ITPKB: variants seen among roughly 807,000 people sequenced by gnomAD.
ITPKB encodes the protein inositol-trisphosphate 3-kinase B.
In ITPKB, 13 loss-of-function variants were observed where a neutral mutation model predicts 69.4. The ratio of observed to expected loss-of-function variants is 0.19; its 90% CI spans 0.12 to 0.30. The LOEUF (loss-of-function observed/expected upper bound fraction) is 0.30. Ranked by LOEUF, ITPKB falls within the 10% of genes least tolerant of loss-of-function variation. ITPKB has a pLI of 1.00. For synonymous variants in ITPKB, 584 were observed against 513.7 expected, an observed-to-expected ratio of 1.14 and a Z score of -1.85; for missense variants, 1,240 against 1,250.5, an observed-to-expected ratio of 0.99 and a Z score of 0.13.
At chr1:226,705,300 C>T (rs558716606) in intron 2 of ITPKB, among the ~76,000 whole-genome samples, 167 of 152,156 alleles carry the variant, frequency 1.1e-3, no homozygotes, top group South Asian at 3.7e-3. Flanking sequence ...GAGGCCAAGG[C>T]GGGCAGGTCA....
At chr1:226,640,164 C>T (rs1022482563) in intron 5 of ITPKB, among the ~76,000 whole-genome samples, 19 of 152,212 alleles carry the variant, frequency 1.2e-4, no homozygotes, top group Non-Finnish European at 2.2e-4. Flanking sequence ...TCTTCTTTCA[C>T]GTTTTCTGAA....
chr1:226,641,907 C>T lies in ITPKB; in HGVS notation c.2451+14G>A. On this transcript the variant is annotated intron_variant, in intron 5 of 7. Transcript: ENST00000429204. This position sits in a 1 kb window ranked among gnomAD's most constrained non-coding sequence, Gnocchi z 4.6. The stretch of plus-strand genomic sequence containing the variant: ...CGGGTGGGGCCCGAGGCTGCCCTCA[C>T]TCGCCGGCCTCACCTTGATTCCCTC... 1.9e-6 allele frequency: 3 copies of T among 1,608,752 alleles called. No individual in the cohort carries two copies. Among genetic ancestry groups the T allele is most frequent in the East Asian group, 2.2e-5 (1 of 44,786 alleles).
intron 2 of ITPKB, among the ~76,000 whole-genome samples, chr1:226,718,218 C>A (rs12046462): frequency 6.7e-6 from 1 of 150,016 alleles, no homozygotes; most frequent in Non-Finnish European, 1.5e-5. Context: ...CACTTGAAAC[C>A]AGGAGGCGGA....
intron 2 of ITPKB, among the ~76,000 whole-genome samples, chr1:226,713,620 A>G (rs1221524033): frequency 1.3e-5 from 2 of 152,264 alleles, no homozygotes; most frequent in Admixed American, 6.5e-5. Context: ...GGGTTTACTA[A>G]AATCATCCAG....
Position 226,736,439 on chromosome 1 carries a change from C to G in ITPKB, c.1020G>C (p.Glu340Asp), listed in dbSNP as rs1362145916. The change falls in exon 2 of 8, where the codon GAG becomes GAC. Residue 340 changes from glutamate (E) to aspartate (D), a missense_variant. Coordinates refer to ENST00000429204, the MANE Select transcript of ITPKB (RefSeq NM_002221.4). ...ACTGCCCCTGCCTCTCCACCAGGGC[C>G]TCTGGGGGCTGCAGGTCCTCAAGCT... ...ARELEDLQPPEALVERQGQFL... is the reference protein window; with the variant it reads ...ARELEDLQPPDALVERQGQFL... The G allele has an allele frequency of 6.2e-7, 1 of 1,613,344 alleles. No individual in the cohort carries two copies. Among genetic ancestry groups the G allele is most frequent in the East Asian group, 2.2e-5 (1 of 44,892 alleles).
At chr1:226,727,884 C>T (rs1213351157) in intron 2 of ITPKB, among the ~76,000 whole-genome samples, 7 of 152,188 alleles carry the variant, frequency 4.6e-5, no homozygotes, top group Non-Finnish European at 1.5e-5. Context: ...ACCAGGTCAA[C>T]GGAAATAATC....
At chr1:226,638,078 A>AC (rs1158722882) in intron 6 of ITPKB, among the ~76,000 whole-genome samples, 3 of 151,986 alleles carry the variant, frequency 2.0e-5, no homozygotes, top group South Asian at 4.2e-4. Context: ...TGTGGGTCTC[A>AC]CCCCCGGGCT....
chr1:226,713,621 A>C (rs1358972757), intron 2 of ITPKB, among the ~76,000 whole-genome samples: 1 of 152,110 alleles, frequency 6.6e-6, no homozygotes, highest in Admixed American at 6.5e-5. Context: ...GGTTTACTAA[A>C]ATCATCCAGA....
chr1:226,677,102 T>C (rs1669748455), intron 2 of ITPKB, among the ~76,000 whole-genome samples: 1 of 152,116 alleles, frequency 6.6e-6, no homozygotes, highest in Admixed American at 6.5e-5. Flanking sequence ...CGTCCTAAGA[T>C]CTTGAGGCCA....
At chr1:226,722,873 A>AATAG (rs1657286570) in intron 2 of ITPKB, among the ~76,000 whole-genome samples, 1 of 152,160 alleles carries the variant, frequency 6.6e-6, no homozygotes, top group African/African-American at 2.4e-5. Context: ...AAAAGGTTTG[A>AATAG]ATAGATCATC....
At chr1:226,672,843 T>C (rs1344848909) in intron 2 of ITPKB, among the ~76,000 whole-genome samples, 2 of 152,194 alleles carry the variant, frequency 1.3e-5, no homozygotes, top group South Asian at 4.1e-4. Flanking sequence ...ATCTCACTAT[T>C]TCAGGCTGCA....
chr1:226,662,223 C>T (rs1669416060), intron 2 of ITPKB, among the ~76,000 whole-genome samples: 1 of 152,186 alleles, frequency 6.6e-6, no homozygotes, highest in South Asian at 2.1e-4. Context: ...GCCAGGTGGC[C>T]ACAAGTGGAA....
At chr1:226,635,752 C>G (rs1668824308) in intron 7 of ITPKB, among the ~76,000 whole-genome samples, 1 of 152,252 alleles carries the variant, frequency 6.6e-6, no homozygotes, top group Non-Finnish European at 1.5e-5. Context: ...TGGGCAGACC[C>G]TATAGGGCCT....
At chr1:226,703,417 G>A (rs1395791851) in intron 2 of ITPKB, among the ~76,000 whole-genome samples, 5 of 152,220 alleles carry the variant, frequency 3.3e-5, no homozygotes, top group Non-Finnish European at 5.9e-5. Flanking sequence ...GGCGCGGCGG[G>A]GGATTTCGGG....
rs1328817128 is a variant in ITPKB, at chr1:226,701,610, A to C, written c.1932+33917T>G. On this transcript the variant is annotated intron_variant, in intron 2 of 7. Transcript: ENST00000429204. ...AAGAGTGAGACTCCGTCTCAAAAAA[A>C]AAAAAAAAAAAAAAAAAAAAACTTC... Among the ~76,000 whole-genome samples the C allele has an allele frequency of 5.4e-5, 8 of 147,686 alleles. No homozygotes were observed. In the East Asian group the frequency reaches 1.6e-3, roughly 30 times the overall value.
chr1:226,701,150 A>G (rs896424960), intron 2 of ITPKB, among the ~76,000 whole-genome samples: 2 of 152,246 alleles, frequency 1.3e-5, no homozygotes, highest in African/African-American at 4.8e-5. Flanking sequence ...CTAGCCACGC[A>G]GGGTCTGTGT....
At chr1:226,691,718 G>C (rs567824199) in intron 2 of ITPKB, among the ~76,000 whole-genome samples, 2 of 152,306 alleles carry the variant, frequency 1.3e-5, no homozygotes, top group South Asian at 4.1e-4. Context: ...AAATAACAAT[G>C]CTGTAATGCC....
intron 2 of ITPKB, among the ~76,000 whole-genome samples, chr1:226,668,116 T>C (rs1000066237): frequency 1.8e-4 from 27 of 152,210 alleles, no homozygotes; most frequent in African/African-American, 5.8e-4. Flanking sequence ...CTGGCGATTC[T>C]GATTTAAACA....
At chr1:226,668,712 T>A (rs949448439) in intron 2 of ITPKB, among the ~76,000 whole-genome samples, 11 of 152,198 alleles carry the variant, frequency 7.2e-5, no homozygotes, top group Non-Finnish European at 1.2e-4. Flanking sequence ...CCAAAAGAAA[T>A]TTTTCAAAAT....
Sources: gnomAD v4.1 joint callset for allele counts (sites outside exome capture counted in the v4.1 genomes callset) on GRCh38, gnomAD v4.1.1 for gene constraint, Gnocchi (gnomAD v3.1) non-coding constraint, MANE v1.5 for transcripts, NCBI Gene and HGNC (gene_info 2026-07-23, HGNC 2026-07-21) for gene names.